INTS8: variants seen among roughly 807,000 people sequenced by gnomAD.
INTS8 encodes the protein protein kaonashi-1.
In INTS8, 47 loss-of-function variants were observed where a neutral mutation model predicts 138.9. The ratio of observed to expected loss-of-function variants is 0.34; its 90% CI spans 0.27 to 0.43. INTS8 has a LOEUF of 0.43. Ranked by LOEUF, INTS8 falls within the 20% of genes least tolerant of loss-of-function variation. The probability of loss-of-function intolerance (pLI) is 1.00; values close to 1 mark genes in which losing one functional copy is unlikely to be tolerated. For missense variants in INTS8, 996 were observed against 1,173.0 expected, an observed-to-expected ratio of 0.85 and a Z score of 2.20; for synonymous variants, 392 against 400.9, an observed-to-expected ratio of 0.98 and a Z score of 0.27.
chr8:94,839,404 T>C (rs141815067), intron 8 of INTS8, among the ~76,000 whole-genome samples: 53 of 152,336 alleles, frequency 3.5e-4, no homozygotes, highest in African/African-American at 1.3e-3. Flanking sequence ...GTGCATTCAT[T>C]CATGTTTAAC....
chr8:94,830,998 A>T (rs987752337), intron 5 of INTS8, among the ~76,000 whole-genome samples: 17 of 152,086 alleles, frequency 1.1e-4, no homozygotes, highest in African/African-American at 3.9e-4. Flanking sequence ...GGGTTTCACC[A>T]TGTTGGTCAG....
chr8:94,855,369 CAG>C (rs1344461057), intron 14 of INTS8, among the ~76,000 whole-genome samples: 1 of 151,986 alleles, frequency 6.6e-6, no homozygotes, highest in Admixed American at 6.6e-5. Flanking sequence ...CTTCAAAATC[CAG>C]TAAGTATTTT....
chr8:94,865,835 G>T, intron 17 of INTS8, 145 bp downstream of exon 17: 1 of 738,436 alleles, frequency 1.4e-6, no homozygotes, highest in Non-Finnish European at 2.2e-6. Context: ...GAGTTCTGTA[G>T]TACTCACCTG....
chr8:94,841,937 T>G (rs555775505), intron 9 of INTS8, among the ~76,000 whole-genome samples: 2 of 152,088 alleles, frequency 1.3e-5, no homozygotes, highest in South Asian at 4.2e-4. Context: ...GGCATGGTGG[T>G]GCACACCTGT....
At chr8:94,841,646 C>T (rs1815137553) in intron 9 of INTS8, 55 bp downstream of exon 9, 3 of 896,094 alleles carry the variant, frequency 3.3e-6, no homozygotes, top group African/African-American at 1.7e-5. Context: ...CAAGTGCATT[C>T]TGGTTTATCA....
At chr8:94,866,961 C>G (rs544983185) in intron 18 of INTS8, 179 bp from the exon 19 acceptor site, 5 of 556,062 alleles carry the variant, frequency 9.0e-6, no homozygotes, top group Admixed American at 3.6e-5. Context: ...GTCCACGCCC[C>G]GCCCCCACAT....
At chr8:94,872,514 G>A (rs1586529673) in intron 21 of INTS8, among the ~76,000 whole-genome samples, 2 of 152,320 alleles carry the variant, frequency 1.3e-5, no homozygotes, top group East Asian at 1.9e-4. Context: ...GATTACAGGC[G>A]TGAGCCCCTG....
intron 10 of INTS8, among the ~76,000 whole-genome samples, chr8:94,847,419 G>A (rs996698145): frequency 2.6e-5 from 4 of 152,132 alleles, no homozygotes; most frequent in South Asian, 2.1e-4. Flanking sequence ...AATAAGTTGA[G>A]GCATCTGTCT....
intron 6 of INTS8, 34 bp downstream of exon 6, chr8:94,832,208 T>G: frequency 6.4e-7 from 1 of 1,557,268 alleles, no homozygotes; most frequent in East Asian, 2.2e-5. Context: ...CGTAGGGCAA[T>G]TTTTTGGAAA....
chr8:94,855,769 C>T (rs1426335410), intron 14 of INTS8, among the ~76,000 whole-genome samples: 2 of 152,144 alleles, frequency 1.3e-5, no homozygotes, highest in African/African-American at 2.4e-5. Flanking sequence ...TGGCAACTGA[C>T]TTAATGTGGA....
chr8:94,828,892 C>T (rs1814608822), intron 4 of INTS8, 83 bp from the exon 5 acceptor site: 2 of 849,212 alleles, frequency 2.4e-6, no homozygotes, highest in South Asian at 3.0e-5. Flanking sequence ...ACCTGACTTT[C>T]AAGAATGATG....
At chr8:94,861,256 A>ATTTTTTTTTTTTTTTTTTTTTTTTTT (rs1210530804) in intron 16 of INTS8, among the ~76,000 whole-genome samples, 1 of 57,376 alleles carries the variant, frequency 1.7e-5, no homozygotes. Flanking sequence ...CCTTTTTGTA[A>ATTTTTTTTTTTTTTTTTTTTTTTTTT]TTTTTTTTTT....
intron 7 of INTS8, 28 bp downstream of exon 7, chr8:94,836,659 T>C (rs200460975): frequency 1.5e-6 from 2 of 1,345,152 alleles, no homozygotes; most frequent in East Asian, 2.3e-5. Context: ...AGGAACTTAA[T>C]GTTCAGTTCT....
At chr8:94,843,192 A>T (rs1815197613) in intron 10 of INTS8, among the ~76,000 whole-genome samples, 1 of 152,222 alleles carries the variant, frequency 6.6e-6, no homozygotes, top group African/African-American at 2.4e-5. Context: ...TACAATGTGT[A>T]TTCATCATCT....
At chr8:94,827,006 C>G (rs528375651) in intron 2 of INTS8, among the ~76,000 whole-genome samples, 10 of 151,858 alleles carry the variant, frequency 6.6e-5, no homozygotes, top group Non-Finnish European at 1.2e-4. Context: ...TCAGGAGGCT[C>G]AGGCAGGAGA....
At chr8:94,856,591 T>G (rs4735312) in intron 14 of INTS8, among the ~76,000 whole-genome samples, 186 bp from the exon 15 acceptor site, 113,225 of 152,048 alleles carry the variant, frequency 0.74, 42,242 homozygotes, top group Middle Eastern at 0.79. Context: ...AATTACAAAG[T>G]TATTAAATAT....
intron 20 of INTS8, among the ~76,000 whole-genome samples, chr8:94,868,076 C>G (rs1378790733): frequency 6.6e-6 from 1 of 152,172 alleles, no homozygotes; most frequent in Non-Finnish European, 1.5e-5. Flanking sequence ...AGGAACTAAA[C>G]TAAACTTCTT....
intron 26 of INTS8, among the ~76,000 whole-genome samples, chr8:94,878,408 T>C (rs1432009012): frequency 6.6e-6 from 1 of 152,214 alleles, no homozygotes; most frequent in Admixed American, 6.5e-5. Flanking sequence ...TTAAGAGTCT[T>C]GGGAATGGTG....
chr8:94,823,729 A>T (rs2130985632), intron 1 of INTS8, among the ~76,000 whole-genome samples, 168 bp downstream of exon 1: 1 of 152,304 alleles, frequency 6.6e-6, no homozygotes, highest in East Asian at 1.9e-4. Flanking sequence ...GCCCGGGTGG[A>T]GGGTCAAAGA....
Sources: gnomAD v4.1 joint callset for allele counts (sites outside exome capture counted in the v4.1 genomes callset) on GRCh38, gnomAD v4.1.1 for gene constraint, MANE v1.5 for transcripts, NCBI Gene and HGNC (gene_info 2026-07-23, HGNC 2026-07-21) for gene names.